Variants in PCSK2 observed in about 807,000 individuals in gnomAD.
The protein encoded by PCSK2 is neuroendocrine convertase 2.
PCSK2 carries 14 observed loss-of-function variants against 69.7 expected under a neutral mutation model. That is an observed-to-expected ratio of 0.20 (90% CI 0.13 to 0.31). PCSK2 has a LOEUF of 0.31. Ranked by LOEUF, PCSK2 falls within the 10% of genes least tolerant of loss-of-function variation. PCSK2 has a pLI of 1.00. For missense variants in PCSK2, 544 were observed against 842.5 expected (o/e 0.65, Z 4.39); for synonymous variants, 307 against 320.7 (o/e 0.96, Z 0.46).
chr20:17,368,029 G>T lies in PCSK2; in HGVS notation c.506-1211G>T, dbSNP rs151181070. 4.3e-3 allele frequency among the ~76,000 whole-genome samples: 656 copies of T among 152,110 alleles called. 8 individuals are homozygous for T. The highest frequency in any genetic ancestry group is 0.015 in the African/African-American group (617 of 41,488). On this transcript the variant is annotated intron_variant, in intron 4 of 11. Coordinates refer to ENST00000262545, the MANE Select transcript of PCSK2 (RefSeq NM_002594.5). ...AACAGTGAAACCTAACACACGTACC[G>T]TAGATTAGTGACTCTCAGTCCAGTT...
At chr20:17,290,890 G>A (rs914916366) in intron 2 of PCSK2, among the ~76,000 whole-genome samples, 9 of 152,116 alleles carry the variant, frequency 5.9e-5, no homozygotes, top group Non-Finnish European at 1.2e-4. Flanking sequence ...GAGATAGCGA[G>A]AGGAAACGGG....
At chr20:17,337,570 T>C (rs1385890257) in intron 2 of PCSK2, among the ~76,000 whole-genome samples, 2 of 152,182 alleles carry the variant, frequency 1.3e-5, no homozygotes, top group Non-Finnish European at 2.9e-5. Flanking sequence ...AAGAAAACTC[T>C]GCCTTATCTT....
At chr20:17,393,168 T>G (rs2031426503) in intron 5 of PCSK2, among the ~76,000 whole-genome samples, 2 of 152,290 alleles carry the variant, frequency 1.3e-5, no homozygotes, top group South Asian at 4.1e-4. Flanking sequence ...TGCTGTGAAC[T>G]CTGATGCCTT....
At chr20:17,477,915 TA>T (rs1466637004) in intron 11 of PCSK2, among the ~76,000 whole-genome samples, 1 of 152,238 alleles carries the variant, frequency 6.6e-6, no homozygotes, top group African/African-American at 2.4e-5. Context: ...AGCCCTGAGA[TA>T]ACCTGCTAAT....
At chr20:17,385,519 T>C (rs2031211379) in intron 5 of PCSK2, among the ~76,000 whole-genome samples, 1 of 152,224 alleles carries the variant, frequency 6.6e-6, no homozygotes. Context: ...TGAATCTAGT[T>C]AATTTGCTTT....
chr20:17,409,394 C>T (rs2031823089), intron 6 of PCSK2, 55 bp downstream of exon 6: 2 of 1,250,342 alleles, frequency 1.6e-6, no homozygotes, highest in South Asian at 2.4e-5. Context: ...TTTTATTCTA[C>T]TTTGTTTTGT....
intron 2 of PCSK2, among the ~76,000 whole-genome samples, chr20:17,287,973 G>A (rs1988575265): frequency 6.6e-6 from 1 of 152,214 alleles, no homozygotes; most frequent in African/African-American, 2.4e-5. Flanking sequence ...ATCTGGGGAT[G>A]GGGTGTTTTT....
chr20:17,391,369 G>A (rs983899638), intron 5 of PCSK2, among the ~76,000 whole-genome samples: 23 of 151,970 alleles, frequency 1.5e-4, no homozygotes, highest in African/African-American at 5.3e-4. Context: ...CTTCCATAAT[G>A]AGGAAATAAA....
Position 17,307,867 on chromosome 20 carries a change from C to T in PCSK2, c.282+47523C>T, listed in dbSNP as rs189296907. Among the ~76,000 whole-genome samples, 164 of 152,230 alleles carry T rather than the reference C, an allele frequency of 1.1e-3. 1 individual carries two copies. Among genetic ancestry groups the T allele is most frequent in the Admixed American group, 9.6e-3 (147 of 15,288 alleles). On this transcript the variant is annotated intron_variant, in intron 2 of 11. Coordinates refer to ENST00000262545, the MANE Select transcript of PCSK2 (RefSeq NM_002594.5). ...TCAGACTGGGTAAATTATAAAGAAA[C>T]GAGGTTTAATTGGCTCATGGTTCTG...
chr20:17,342,615 G>T (rs370874977), intron 2 of PCSK2, among the ~76,000 whole-genome samples: 1 of 151,368 alleles, frequency 6.6e-6, no homozygotes, highest in East Asian at 1.9e-4. Context: ...ACCAGGCCTC[G>T]CCTATAAAGC....
At chr20:17,277,972 C>T (rs1331728905) in intron 2 of PCSK2, among the ~76,000 whole-genome samples, 1 of 152,006 alleles carries the variant, frequency 6.6e-6, no homozygotes, top group South Asian at 2.1e-4. Context: ...TGAAAAAATG[C>T]TCATCATCAC....
intron 2 of PCSK2, among the ~76,000 whole-genome samples, chr20:17,291,889 G>T (rs1003650728): frequency 1.3e-5 from 2 of 152,084 alleles, no homozygotes; most frequent in Non-Finnish European, 1.5e-5. Flanking sequence ...CCAATCTCGA[G>T]ATCACAAAAT....
intron 6 of PCSK2, among the ~76,000 whole-genome samples, chr20:17,411,596 T>C (rs2031874324): frequency 1.3e-5 from 2 of 152,162 alleles, no homozygotes; most frequent in Non-Finnish European, 2.9e-5. Flanking sequence ...AGGGCATAGC[T>C]GGAAAAAAGG....
rs61156656 is a variant in PCSK2 at position 17,450,017 on chromosome 20, C to CTTTTTTTTTTTTTTT, written c.886-3709_886-3695dup. 4.1e-3 allele frequency among the ~76,000 whole-genome samples: 255 copies of CTTTTTTTTTTTTTTT among 61,834 alleles called. 42 individuals carry two copies. Among genetic ancestry groups the CTTTTTTTTTTTTTTT allele is most frequent in the Non-Finnish European group, 5.9e-3 (205 of 34,974 alleles). The allele number at this position is 61,834 out of a possible 152,430, so 40.6% of individuals were successfully genotyped here. On this transcript the variant is annotated intron_variant, in intron 8 of 11. Coordinates refer to ENST00000262545, the MANE Select transcript of PCSK2 (RefSeq NM_002594.5). ...TTTTTAAGTTTGTTGAATTTCTTCC[C>CTTTTTTTTTTTTTTT]TTTTTTTTTTTTTTTTTTTTTTTTT...
intron 5 of PCSK2, among the ~76,000 whole-genome samples, chr20:17,377,367 T>A (rs1432643681): frequency 6.6e-6 from 1 of 152,200 alleles, no homozygotes; most frequent in Non-Finnish European, 1.5e-5. Flanking sequence ...GTCTCTGAAG[T>A]GGGTGCCTGC....
chr20:17,464,913 T>A (rs377743858), intron 10 of PCSK2: 8 of 260,260 alleles, frequency 3.1e-5, no homozygotes, highest in East Asian at 8.8e-5. Context: ...GAAAAGAATT[T>A]CCAGGCCATA....
chr20:17,394,318 A>T (rs1600544771), intron 5 of PCSK2, among the ~76,000 whole-genome samples: 1 of 152,208 alleles, frequency 6.6e-6, no homozygotes, highest in East Asian at 1.9e-4. Context: ...AGAGTCTATT[A>T]TGTGCAAGTG....
At position 17,344,777 on chromosome 20, in the gene PCSK2, A is replaced by G. The variant is rs142910398; in HGVS notation, c.283-13550A>G. 4.6e-5 allele frequency among the ~76,000 whole-genome samples: 7 copies of G among 152,154 alleles called. No individual in the cohort carries two copies. In the East Asian group the frequency reaches 1.4e-3, roughly 29 times the overall value. On this transcript the variant is annotated intron_variant, in intron 2 of 11. Coordinates refer to ENST00000262545, the MANE Select transcript of PCSK2 (RefSeq NM_002594.5). ...TGCCTAGAAAAACAAATAACTTTGG[A>G]AGGCTCTTTTCCCAGTGCCTTCTTA...
intron 2 of PCSK2, among the ~76,000 whole-genome samples, chr20:17,275,358 G>A (rs6044719): frequency 2.0e-5 from 3 of 152,146 alleles, no homozygotes; most frequent in African/African-American, 4.8e-5. Flanking sequence ...TCTAATCACA[G>A]CTCAGCCATT....
Sources: gnomAD v4.1 joint callset for allele counts (sites outside exome capture counted in the v4.1 genomes callset) on GRCh38, gnomAD v4.1.1 for gene constraint, MANE v1.5 for transcripts, NCBI Gene and HGNC (gene_info 2026-07-23, HGNC 2026-07-21) for gene names.